Variants in ABI1 observed in about 807,000 individuals in gnomAD.
ABI1 encodes abl interactor 1.
Under a neutral mutation model 54.6 loss-of-function variants are expected in ABI1, and 14 were observed. The observed-to-expected ratio is 0.26, with a 90% confidence interval of 0.17 to 0.40. ABI1 has a LOEUF of 0.40. ABI1 is among the 10% of genes least tolerant of loss of function. The pLI is 1.00. For synonymous variants in ABI1, 194 were observed against 209.3 expected (o/e 0.93, Z 0.63); for missense variants, 443 against 598.3 (o/e 0.74, Z 2.71).
At chr10:26,824,393 G>A (rs1312788308) in intron 1 of ABI1, among the ~76,000 whole-genome samples, 3 of 152,070 alleles carry the variant, frequency 2.0e-5, no homozygotes, top group East Asian at 3.9e-4. Context: ...AAAATCACTG[G>A]CAAAAATACA....
intron 1 of ABI1, among the ~76,000 whole-genome samples, chr10:26,841,950 A>C (rs538855048): frequency 1.9e-4 from 29 of 151,332 alleles, no homozygotes; most frequent in African/African-American, 7.1e-4. Context: ...TATATGCCCG[A>C]TAAGGAATTG....
intron 1 of ABI1, among the ~76,000 whole-genome samples, chr10:26,858,923 A>G (rs1218490319): frequency 6.6e-6 from 1 of 152,224 alleles, no homozygotes; most frequent in African/African-American, 2.4e-5. Context: ...ACTTCTACAG[A>G]GAACACATAA....
At chr10:26,825,657 G>A (rs1050044571) in intron 1 of ABI1, among the ~76,000 whole-genome samples, 7 of 152,142 alleles carry the variant, frequency 4.6e-5, no homozygotes, top group Admixed American at 6.5e-5. Context: ...GCAAAACTCT[G>A]TCTCAAAAAT....
intron 2 of ABI1, among the ~76,000 whole-genome samples, chr10:26,819,966 T>A (rs751040427): frequency 2.0e-5 from 3 of 152,090 alleles, no homozygotes; most frequent in Non-Finnish European, 4.4e-5. Context: ...TTTTCAGATG[T>A]GGAATCTAAA....
At chr10:26,834,086 C>T (rs754349062) in intron 1 of ABI1, among the ~76,000 whole-genome samples, 8 of 151,914 alleles carry the variant, frequency 5.3e-5, no homozygotes, top group South Asian at 2.1e-4. Context: ...AAAAATTAGC[C>T]GGGCGTGGTG....
At chr10:26,828,084 C>T (rs141031710) in intron 1 of ABI1, among the ~76,000 whole-genome samples, 586 of 152,244 alleles carry the variant, frequency 3.8e-3, no homozygotes, top group Admixed American at 7.4e-3. Context: ...ATGAGAAACA[C>T]GCAATTCTTT....
chr10:26,774,865 C>T (rs1841185216), intron 3 of ABI1, among the ~76,000 whole-genome samples: 1 of 151,516 alleles, frequency 6.6e-6, no homozygotes, highest in South Asian at 2.1e-4. Context: ...TCTTAAATAC[C>T]AGAAAACATC....
At chr10:26,802,414 C>T (rs374939274) in intron 2 of ABI1, among the ~76,000 whole-genome samples, 5 of 152,028 alleles carry the variant, frequency 3.3e-5, no homozygotes, top group South Asian at 2.1e-4. Context: ...AGAATTTCAC[C>T]GACTGAGGCT....
Position 26,748,520 on chromosome 10 carries a change from C to G in ABI1, c.*50G>C, listed in dbSNP as rs1244583437. 2.9e-6 allele frequency: 4 copies of G among 1,382,816 alleles called. No individual in the cohort carries two copies. Among genetic ancestry groups the G allele is most frequent in the Non-Finnish European group, 3.0e-6 (3 of 1,010,418 alleles). The allele number at this position is 1,382,816 out of a possible 1,614,324, so 85.7% of individuals were successfully genotyped here. On this transcript the variant is annotated 3_prime_UTR_variant, in exon 11 of 11. Transcript: ENST00000376140. ...AGACAGTTCTGTTAACCATAATAGT[C>G]CCACAGTATGACTGAGTAATAAGAA...
chr10:26,837,256 G>A (rs1453015626), intron 1 of ABI1, among the ~76,000 whole-genome samples: 1 of 152,186 alleles, frequency 6.6e-6, no homozygotes, highest in East Asian at 1.9e-4. Flanking sequence ...GTTCTAGCAA[G>A]GGATTTCTTC....
rs932484933 is a variant in ABI1, at chr10:26,748,037, G to A, written c.*533C>T. ...TTCACGTTAAGACACCTAAGTACGA[G>A]TCCTCCAGGTAAATATTACACAAAT... On this transcript the variant is annotated 3_prime_UTR_variant, in exon 11 of 11. Transcript: ENST00000376140. 4.9e-6 allele frequency: 1 copy of A among 204,722 alleles called. No homozygotes were observed. Among genetic ancestry groups the A allele is most frequent in the African/African-American group, 2.3e-5 (1 of 43,630 alleles). The allele number at this position is 204,722 out of a possible 1,614,324, so 12.7% of individuals were successfully genotyped here.
At chr10:26,797,704 T>C (rs1277247193) in intron 2 of ABI1, among the ~76,000 whole-genome samples, 1 of 152,052 alleles carries the variant, frequency 6.6e-6, no homozygotes, top group African/African-American at 2.4e-5. Flanking sequence ...AACCAAGACA[T>C]GCTGTTCAGA....
chr10:26,844,974 G>C (rs571330178), intron 1 of ABI1, among the ~76,000 whole-genome samples: 1 of 152,226 alleles, frequency 6.6e-6, no homozygotes, highest in East Asian at 1.9e-4. Flanking sequence ...AATGTAAGAT[G>C]AATCTTCCCA....
chr10:26,814,069 A>G (rs2047406198), intron 2 of ABI1, among the ~76,000 whole-genome samples: 1 of 152,194 alleles, frequency 6.6e-6, no homozygotes, highest in African/African-American at 2.4e-5. Flanking sequence ...GTTTTTGCCT[A>G]TATAAAACTA....
intron 2 of ABI1, among the ~76,000 whole-genome samples, chr10:26,819,860 TG>T (rs2047850958): frequency 6.6e-6 from 1 of 152,234 alleles, no homozygotes; most frequent in African/African-American, 2.4e-5. Context: ...AAGAAAATTC[TG>T]TTATTTGCAA....
chr10:26,759,372 G>A (rs147412330), intron 7 of ABI1, 134 bp from the exon 8 acceptor site: 206 of 617,076 alleles, frequency 3.3e-4, no homozygotes, highest in African/African-American at 3.2e-3. Flanking sequence ...ACAAAATAAA[G>A]AGAAAAGTAA....
rs2051233745 is a variant in ABI1 at position 26,860,641 on chromosome 10, G to A, written c.117+106C>T. The A allele has an allele frequency of 2.3e-6, 2 of 880,418 alleles. No homozygotes were observed. The highest frequency in any genetic ancestry group is 3.7e-6 in the Non-Finnish European group (2 of 540,600). The allele number at this position is 880,418 out of a possible 1,614,324, so 54.5% of individuals were successfully genotyped here. A position where few individuals can be genotyped will look rare whatever the true frequency, so the allele number is the denominator to read the frequency against. On this transcript the variant is annotated intron_variant, in intron 1 of 10. Transcript: ENST00000376140. The surrounding 1 kb of genome is among the most constrained non-coding windows in gnomAD (Gnocchi z 4.1). ...GGGGCTGCGGTAGGGGCTCGGGTTGGTGGCAGCCGCTGAGGTCAGGGCAGT... is the reference window on the plus strand; with the variant it reads ...GGGGCTGCGGTAGGGGCTCGGGTTGATGGCAGCCGCTGAGGTCAGGGCAGT...
chr10:26,858,516 C>A, intron 1 of ABI1, among the ~76,000 whole-genome samples: 1 of 138,516 alleles, frequency 7.2e-6, no homozygotes, highest in Admixed American at 7.5e-5. Flanking sequence ...GATTATACCC[C>A]ACCCCGCCCC....
chr10:26,756,372 T>C (rs1838308639), intron 8 of ABI1, among the ~76,000 whole-genome samples: 1 of 152,150 alleles, frequency 6.6e-6, no homozygotes, highest in African/African-American at 2.4e-5. Flanking sequence ...CAATTTTATG[T>C]TTAAAAATAT....
Sources: allele counts gnomAD v4.1 joint callset (sites outside exome capture counted in the v4.1 genomes callset), GRCh38; gene constraint gnomAD v4.1.1; non-coding constraint Gnocchi (gnomAD v3.1); transcripts MANE v1.5; gene names NCBI Gene and HGNC (gene_info 2026-07-23, HGNC 2026-07-21).